Variants in ITGB5 observed in about 807,000 individuals in gnomAD.
The protein encoded by ITGB5 is integrin beta-5.
Under a neutral mutation model 84.8 loss-of-function variants are expected in ITGB5, and 38 were observed. The ratio of observed to expected loss-of-function variants is 0.45; its 90% CI spans 0.35 to 0.59. The LOEUF (loss-of-function observed/expected upper bound fraction) is 0.59. ITGB5 is among the 20% of genes least tolerant of loss of function. The probability of loss-of-function intolerance (pLI) is 0.01; values close to 1 mark genes in which losing one functional copy is unlikely to be tolerated. For synonymous variants in ITGB5, 393 were observed against 414.4 expected, an observed-to-expected ratio of 0.95 and a Z score of 0.63; for missense variants, 905 against 1,034.5, an observed-to-expected ratio of 0.87 and a Z score of 1.72.
At chr3:124,801,899 T>C (rs1025745382) in intron 9 of ITGB5, among the ~76,000 whole-genome samples, 4 of 152,098 alleles carry the variant, frequency 2.6e-5, no homozygotes, top group Non-Finnish European at 5.9e-5. Context: ...TGCTTTCCAC[T>C]GGCCAAAGGA....
At chr3:124,862,578 A>G (rs1180675296) in intron 2 of ITGB5, 1 of 152,280 alleles carries the variant, frequency 6.6e-6, no homozygotes, top group Non-Finnish European at 1.5e-5. Context: ...AGTCCAAATC[A>G]TATTTCCCAG....
At chr3:124,763,770 C>G in intron 14 of ITGB5, 52 bp from the exon 15 acceptor site, 1 of 1,079,902 alleles carries the variant, frequency 9.3e-7, no homozygotes. Context: ...CTCACACACT[C>G]AAACCGACAG....
intron 9 of ITGB5, among the ~76,000 whole-genome samples, chr3:124,797,909 C>A (rs1461392642): frequency 6.6e-6 from 1 of 152,020 alleles, no homozygotes; most frequent in Non-Finnish European, 1.5e-5. Context: ...GAGGCCCGGC[C>A]CACCCCACAA....
At chr3:124,901,057 G>A (rs1412717346) in intron 1 of ITGB5, among the ~76,000 whole-genome samples, 1 of 152,122 alleles carries the variant, frequency 6.6e-6, no homozygotes, top group African/African-American at 2.4e-5. Context: ...ACCAACCAAG[G>A]AAAAGTCCAA....
At chr3:124,882,192 A>C (rs1477091016) in intron 1 of ITGB5, among the ~76,000 whole-genome samples, 1 of 152,220 alleles carries the variant, frequency 6.6e-6, no homozygotes, top group Non-Finnish European at 1.5e-5. Flanking sequence ...TGGAGGATAC[A>C]GAGATGAATA....
chr3:124,844,468 G>A (rs1277632581), intron 4 of ITGB5, among the ~76,000 whole-genome samples: 1 of 152,132 alleles, frequency 6.6e-6, no homozygotes, highest in East Asian at 1.9e-4. Flanking sequence ...GCTGAGTCAG[G>A]ATAATCACTT....
chr3:124,791,830 C>A (rs996343161), intron 10 of ITGB5: 2 of 152,158 alleles, frequency 1.3e-5, no homozygotes, highest in East Asian at 3.8e-4. Flanking sequence ...AACCACCGCA[C>A]GCAATTCTGG....
intron 8 of ITGB5, among the ~76,000 whole-genome samples, chr3:124,813,341 A>G (rs1000066849): frequency 1.3e-5 from 2 of 152,098 alleles, no homozygotes; most frequent in African/African-American, 2.4e-5. Flanking sequence ...ACACCATGCA[A>G]TTCTCTACTG....
chr3:124,894,560 C>T (rs557234626), intron 1 of ITGB5: 1 of 152,284 alleles, frequency 6.6e-6, no homozygotes, highest in African/African-American at 2.4e-5. Flanking sequence ...CTCCTGGATT[C>T]TTTCTCTAAA....
intron 2 of ITGB5, among the ~76,000 whole-genome samples, chr3:124,865,308 T>C (rs2065369859): frequency 1.3e-5 from 2 of 152,012 alleles, no homozygotes; most frequent in African/African-American, 2.4e-5. Context: ...GGGCTTCTAA[T>C]GGGCCACAAC....
chr3:124,842,444 G>A (rs1290586113), intron 4 of ITGB5, among the ~76,000 whole-genome samples: 1 of 152,202 alleles, frequency 6.6e-6, no homozygotes, highest in Non-Finnish European at 1.5e-5. Context: ...TTTTACCAAT[G>A]GGTTCACAAA....
At chr3:124,807,348 G>A (rs1258401765) in intron 9 of ITGB5, among the ~76,000 whole-genome samples, 6 of 152,114 alleles carry the variant, frequency 3.9e-5, no homozygotes, top group South Asian at 4.1e-4. Flanking sequence ...CCTGGGAAGC[G>A]GAGGTTGCAG....
chr3:124,807,866 C>T (rs538920275), intron 9 of ITGB5, among the ~76,000 whole-genome samples: 13 of 136,262 alleles, frequency 9.5e-5, no homozygotes, highest in African/African-American at 2.5e-4. Context: ...GGCGTGAACC[C>T]GGGAGGCAGA....
chr3:124,766,280 T>C lies in ITGB5; in HGVS notation c.2083A>G (p.Thr695Ala), dbSNP rs1410931470. 6.2e-7 allele frequency: 1 copy of C among 1,613,846 alleles called. No homozygotes were observed. The highest frequency in any genetic ancestry group is 8.5e-7 in the Non-Finnish European group (1 of 1,179,996). The stretch of plus-strand genomic sequence containing the variant: ...TTCCCACTGGGGAGCTCCACATAGG[T>C]GAACATCATGACGCAGTCCTTGGCG... Reference protein sequence around the residue: ...KTAKDCVMMFTYVELPSGKSN... With the variant: ...KTAKDCVMMFAYVELPSGKSN... The change falls in exon 13 of 15, where the codon ACC becomes GCC. Residue 695 changes from threonine to alanine, a missense_variant. Thr to Ala is a moderately conservative substitution (Grantham distance 58). Around this residue, in one of 3 missense-constraint regions of ITGB5, gnomAD observed 116 missense variants for 177.0 expected, o/e 0.66. Coordinates refer to ENST00000296181, the MANE Select transcript of ITGB5 (RefSeq NM_002213.5).
intron 2 of ITGB5, among the ~76,000 whole-genome samples, chr3:124,868,142 G>A (rs1445758949): frequency 6.6e-6 from 1 of 152,150 alleles, no homozygotes; most frequent in Non-Finnish European, 1.5e-5. Context: ...ACGGTTGTAA[G>A]TTTCCTGAGG....
intron 4 of ITGB5, among the ~76,000 whole-genome samples, chr3:124,843,811 A>G (rs934002873): frequency 4.6e-5 from 7 of 152,174 alleles, no homozygotes; most frequent in African/African-American, 1.7e-4. Context: ...ACCCCAAATA[A>G]GCGCCATGCA....
At chr3:124,853,085 A>C (rs1465748129) in intron 3 of ITGB5, among the ~76,000 whole-genome samples, 1 of 152,084 alleles carries the variant, frequency 6.6e-6, no homozygotes, top group Non-Finnish European at 1.5e-5. Context: ...GATTTTGTTC[A>C]AAGTGTTAAG....
At position 124,764,315 on chromosome 3, in the gene ITGB5, T is replaced by C. The variant is rs918901640; in HGVS notation, c.2304+76A>G. 22 of 1,464,626 alleles carry C rather than the reference T, an allele frequency of 1.5e-5. No individual in the cohort carries two copies. In the African/African-American group the frequency reaches 2.5e-4, roughly 17 times the overall value. The allele number at this position is 1,464,626 out of a possible 1,614,324, so 90.7% of individuals were successfully genotyped here. A position where few individuals can be genotyped will look rare whatever the true frequency, so the allele number is the denominator to read the frequency against. On this transcript the variant is annotated intron_variant, in intron 14 of 14. Transcript: ENST00000296181. Reference sequence around the variant, plus strand: ...TGCCAAAGACATTAGTGAGCCTCTATTGCTAACATACCGCTGAACTCAACC... The same window carrying C: ...TGCCAAAGACATTAGTGAGCCTCTACTGCTAACATACCGCTGAACTCAACC...
At chr3:124,898,505 G>C (rs1035781062) in intron 1 of ITGB5, among the ~76,000 whole-genome samples, 11 of 151,364 alleles carry the variant, frequency 7.3e-5, no homozygotes, top group Non-Finnish European at 1.2e-4. Context: ...ATAGCCAGGC[G>C]TGGTGGCAGG....
Sources: gnomAD v4.1 joint callset for allele counts (sites outside exome capture counted in the v4.1 genomes callset) on GRCh38, gnomAD v4.1.1 for gene constraint, gnomAD v4.1.1 regional missense constraint, MANE v1.5 for transcripts, NCBI Gene and HGNC (gene_info 2026-07-23, HGNC 2026-07-21) for gene names.